Variants in CCDC91 observed in about 807,000 individuals in gnomAD.
The protein encoded by CCDC91 is coiled-coil domain-containing protein 91.
A neutral mutation model predicts 63.2 loss-of-function variants in CCDC91; 48 were observed. That is an observed-to-expected ratio of 0.76 (90% CI 0.60 to 0.97). The LOEUF is 0.97. Ranked by LOEUF, CCDC91 falls within the 50% of genes least tolerant of loss-of-function variation. The pLI is 0.00. For synonymous variants in CCDC91, 167 were observed against 165.8 expected, an observed-to-expected ratio of 1.01 and a Z score of -0.06; for missense variants, 500 against 494.6, an observed-to-expected ratio of 1.01 and a Z score of -0.10.
chr12:28,480,044 C>T (rs896414433), intron 11 of CCDC91, among the ~76,000 whole-genome samples: 19 of 152,014 alleles, frequency 1.2e-4, no homozygotes, highest in African/African-American at 4.1e-4. Flanking sequence ...AGGGTCCCCA[C>T]TACCTGGTCC....
At chr12:28,415,042 T>G (rs1451797840) in intron 8 of CCDC91, among the ~76,000 whole-genome samples, 1 of 152,320 alleles carries the variant, frequency 6.6e-6, no homozygotes, top group Non-Finnish European at 1.5e-5. Context: ...CGGAGATACC[T>G]CTAGGGTTTT....
chr12:28,538,898 A>G (rs1245444932), intron 12 of CCDC91, among the ~76,000 whole-genome samples: 1 of 152,208 alleles, frequency 6.6e-6, no homozygotes, highest in Non-Finnish European at 1.5e-5. Flanking sequence ...GGCTGCATAA[A>G]TGTCTTCTTT....
chr12:28,402,928 G>A (rs1313809670), intron 8 of CCDC91, among the ~76,000 whole-genome samples: 1 of 152,142 alleles, frequency 6.6e-6, no homozygotes, highest in East Asian at 1.9e-4. Context: ...TTAGCTTGTT[G>A]ATATGGTGGG....
intron 6 of CCDC91, among the ~76,000 whole-genome samples, chr12:28,346,540 G>C (rs1460295940): frequency 6.6e-6 from 1 of 152,094 alleles, no homozygotes; most frequent in Non-Finnish European, 1.5e-5. Flanking sequence ...GTAGTATTTA[G>C]TTATGGGAAA....
At chr12:28,478,494 A>T (rs1201014511) in intron 11 of CCDC91, among the ~76,000 whole-genome samples, 2 of 152,164 alleles carry the variant, frequency 1.3e-5, no homozygotes, top group African/African-American at 4.8e-5. Flanking sequence ...TGTTAGACCT[A>T]AAACCATAAA....
At chr12:28,483,073 T>C (rs2140908080) in intron 11 of CCDC91, among the ~76,000 whole-genome samples, 1 of 152,164 alleles carries the variant, frequency 6.6e-6, no homozygotes, top group South Asian at 2.1e-4. Flanking sequence ...TGTTTGTATT[T>C]TTCCACGTTT....
chr12:28,239,572 A>G lies in CCDC91; in HGVS notation c.-14-17630A>G, dbSNP rs548244286. Among the ~76,000 whole-genome samples, 37 of 139,688 alleles carry G rather than the reference A, an allele frequency of 2.6e-4. No homozygotes were observed. In the East Asian group the frequency reaches 7.2e-3, roughly 27 times the overall value. 91.6% of individuals were successfully genotyped at this position (139,688 alleles called of 152,430 possible). ...TAATGTGTGAAGTCATCATTGTGCTATTAACTATGTAATATGGAATATTAT... is the reference window on the plus strand; with the variant it reads ...TAATGTGTGAAGTCATCATTGTGCTGTTAACTATGTAATATGGAATATTAT... On this transcript the variant is annotated intron_variant, in intron 1 of 12. Coordinates refer to ENST00000536442, the MANE Select transcript of CCDC91 (RefSeq NM_018318.5).
chr12:28,268,491 A>T (rs1018748219), intron 3 of CCDC91: 2 of 170,254 alleles, frequency 1.2e-5, no homozygotes, highest in Admixed American at 1.3e-4. Context: ...GATCAGTAGG[A>T]AGCCTTAAAC....
chr12:28,303,683 A>T (rs1191862913), intron 3 of CCDC91, among the ~76,000 whole-genome samples: 6 of 152,280 alleles, frequency 3.9e-5, no homozygotes, highest in Admixed American at 2.0e-4. Context: ...TCAACACTTT[A>T]CTAAATGCTT....
chr12:28,265,658 T>TG (rs1387313462), intron 3 of CCDC91, among the ~76,000 whole-genome samples: 3 of 152,048 alleles, frequency 2.0e-5, no homozygotes, highest in African/African-American at 7.2e-5. Flanking sequence ...CTGTGTTACA[T>TG]ATCTATGAGA....
At chr12:28,368,037 A>G (rs191484385) in intron 7 of CCDC91, among the ~76,000 whole-genome samples, 4 of 152,336 alleles carry the variant, frequency 2.6e-5, no homozygotes, top group Admixed American at 1.3e-4. Context: ...GCATAATCAC[A>G]TGAGCCAATC....
At chr12:28,321,639 C>T (rs1325454413) in intron 6 of CCDC91, among the ~76,000 whole-genome samples, 2 of 151,808 alleles carry the variant, frequency 1.3e-5, no homozygotes, top group Non-Finnish European at 2.9e-5. Context: ...GTCTATGTCT[C>T]TGCCATGTGG....
At chr12:28,378,191 AAGTT>A (rs1446571859) in intron 7 of CCDC91, among the ~76,000 whole-genome samples, 3 of 151,990 alleles carry the variant, frequency 2.0e-5, no homozygotes, top group African/African-American at 7.2e-5. Flanking sequence ...ATGTTAACCA[AAGTT>A]TGTTTTGTTG....
At position 28,459,547 on chromosome 12, in the gene CCDC91, C is replaced by T. The variant is rs540469870; in HGVS notation, c.1101+6893C>T. Among the ~76,000 whole-genome samples the T allele has an allele frequency of 9.2e-5, 14 of 152,210 alleles. No individual in the cohort carries two copies. In the South Asian group the frequency reaches 2.7e-3, roughly 29 times the overall value. On this transcript the variant is annotated intron_variant, in intron 11 of 12. Transcript: ENST00000536442. ...AAAATAGTGCTTCGGATGTTATTATCCCCTTTTTAAAGAAGTATTCATCAC... is the reference window on the plus strand; with the variant it reads ...AAAATAGTGCTTCGGATGTTATTATTCCCTTTTTAAAGAAGTATTCATCAC...
chr12:28,244,862 C>T (rs1378239960), intron 1 of CCDC91, among the ~76,000 whole-genome samples: 2 of 143,916 alleles, frequency 1.4e-5, no homozygotes, highest in African/African-American at 2.5e-5. Context: ...AAGAGGGAAA[C>T]TCTGTCTCAA....
intron 7 of CCDC91, among the ~76,000 whole-genome samples, chr12:28,381,281 A>G (rs528213459): frequency 6.6e-6 from 1 of 152,064 alleles, no homozygotes. Context: ...TTTAATCCCT[A>G]CCTTCTAGGT....
rs1943917763 is a variant in CCDC91, at chr12:28,221,182, G to GCTGTTA, written c.-15+30542_-15+30547dup. ...CATGATCTTCCACAGTGTTTAATAT[G>GCTGTTA]CTGTTAATCTCATCTTTTATGTTTT... On this transcript the variant is annotated intron_variant, in intron 1 of 12. Transcript: ENST00000536442. 3.3e-5 allele frequency among the ~76,000 whole-genome samples: 5 copies of GCTGTTA among 151,792 alleles called. No homozygotes were observed. The South Asian group carries it at 1.0e-3, about 32-fold the overall frequency.
intron 12 of CCDC91, among the ~76,000 whole-genome samples, chr12:28,517,745 A>G (rs149799895): frequency 6.6e-6 from 1 of 151,944 alleles, no homozygotes; most frequent in East Asian, 2.0e-4. Flanking sequence ...CCCAAGCAGT[A>G]TACACTGCAC....
rs150670395 is a variant in CCDC91, at chr12:28,546,580, C to T, written c.1216-2483C>T. Among the ~76,000 whole-genome samples the T allele has an allele frequency of 2.9e-3, 434 of 152,040 alleles. 6 individuals carry two copies. Among genetic ancestry groups the T allele is most frequent in the African/African-American group, 9.4e-3 (389 of 41,484 alleles). ...ACAATTTCCACAAGCTATACTAGCA[C>T]GTGTATACAGAGGTCTGTGTTGAAG... On this transcript the variant is annotated intron_variant, in intron 12 of 12. Coordinates refer to ENST00000536442, the MANE Select transcript of CCDC91 (RefSeq NM_018318.5).
Sources: gnomAD v4.1 joint callset for allele counts (sites outside exome capture counted in the v4.1 genomes callset) on GRCh38, gnomAD v4.1.1 for gene constraint, MANE v1.5 for transcripts, NCBI Gene and HGNC (gene_info 2026-07-23, HGNC 2026-07-21) for gene names.